The following OAF variants were observed in gnomAD, a reference collection of about 807,000 sequenced individuals.
OAF encodes out at first homolog, also known as out at first protein homolog.
In OAF, 13 loss-of-function variants were observed where a neutral mutation model predicts 22.5. The ratio of observed to expected loss-of-function variants is 0.58; its 90% confidence interval spans 0.38 to 0.92. The LOEUF (loss-of-function observed/expected upper bound fraction) is 0.92. OAF is among the 40% of genes least tolerant of loss of function. The probability of loss-of-function intolerance (pLI) is 0.00; values close to 1 mark genes in which losing one functional copy is unlikely to be tolerated. For synonymous variants in OAF, 175 were observed against 170.5 expected (o/e 1.03, Z -0.21); for missense variants, 347 against 381.8 (o/e 0.91, Z 0.76).
chr11:120,223,589 A>G (rs964657488), intron 1 of OAF, among the ~76,000 whole-genome samples: 1 of 152,182 alleles, frequency 6.6e-6, no homozygotes, highest in Non-Finnish European at 1.5e-5. Flanking sequence ...TGATGACATT[A>G]TTAATATAGA....
chr11:120,226,070 C>T (rs1362495365), intron 2 of OAF, among the ~76,000 whole-genome samples: 2 of 152,174 alleles, frequency 1.3e-5, no homozygotes, highest in African/African-American at 4.8e-5. Context: ...CAAACCTGAC[C>T]CTAGAGCTGC....
At chr11:120,212,736 C>G (rs890223448) in intron 1 of OAF, among the ~76,000 whole-genome samples, 2 of 144,826 alleles carry the variant, frequency 1.4e-5, no homozygotes, top group South Asian at 4.6e-4. Context: ...GGCTTGACCG[C>G]TAGAGGTGGG....
At chr11:120,217,070 G>A (rs1163246558) in intron 1 of OAF, 1 of 152,308 alleles carries the variant, frequency 6.6e-6, no homozygotes, top group Non-Finnish European at 1.5e-5. Context: ...AAAGAACCCT[G>A]GGGAGGGAGG....
At chr11:120,211,540 C>A in intron 1 of OAF, 30 bp downstream of exon 1, 3 of 1,406,720 alleles carry the variant, frequency 2.1e-6, no homozygotes, top group Non-Finnish European at 2.8e-6. Context: ...CGGGGTGGCA[C>A]CTTCAAGCCT....
chr11:120,226,774 C>G (rs1390149974), intron 2 of OAF, 42 bp from the exon 3 acceptor site: 12 of 1,531,116 alleles, frequency 7.8e-6, no homozygotes, highest in Admixed American at 1.8e-5. Flanking sequence ...GGACAGGGAG[C>G]ATTCTGAAGC....
At chr11:120,220,461 G>T (rs1345628578) in intron 1 of OAF, among the ~76,000 whole-genome samples, 2 of 152,176 alleles carry the variant, frequency 1.3e-5, no homozygotes, top group African/African-American at 4.8e-5. Flanking sequence ...GTTCCAGGGG[G>T]CAGGGATGCA....
intron 1 of OAF, among the ~76,000 whole-genome samples, chr11:120,224,778 C>G (rs140854035): frequency 1.5e-3 from 235 of 152,270 alleles, no homozygotes; most frequent in African/African-American, 5.5e-3. Context: ...TGACTGGGAC[C>G]CACTAACTTC....
intron 1 of OAF, among the ~76,000 whole-genome samples, chr11:120,222,497 A>G (rs1157500727): frequency 6.6e-6 from 1 of 151,232 alleles, no homozygotes; most frequent in Non-Finnish European, 1.5e-5. Context: ...CGGAAGTTGC[A>G]GTGAGCCGAG....
intron 1 of OAF, among the ~76,000 whole-genome samples, chr11:120,221,503 C>A (rs1040914904): frequency 2.0e-5 from 3 of 152,222 alleles, no homozygotes; most frequent in East Asian, 1.9e-4. Context: ...AAACCTTTCA[C>A]TCATTTATTC....
At chr11:120,214,796 A>G (rs1938189651) in intron 1 of OAF, among the ~76,000 whole-genome samples, 1 of 152,242 alleles carries the variant, frequency 6.6e-6, no homozygotes, top group African/African-American at 2.4e-5. Flanking sequence ...CCTGGAGCCC[A>G]GGTGAGGCTT....
rs768562737 is a variant in OAF, at chr11:120,229,037, G to A, written c.717G>A (p.Thr239=). 18 of 1,613,488 alleles carry A rather than the reference G, an allele frequency of 1.1e-5. No individual in the cohort carries two copies. The highest frequency in any genetic ancestry group is 1.7e-5 in the Admixed American group (1 of 60,004). ...ACTGCCACAGCCGCGACCGGCCCAC[G>A]CCCTACAAGTGTGGCATCCGCAGCT... is the stretch of plus-strand genomic sequence containing the variant. ...LKYCHSRDRP[T]PYKCGIRSCQ... The change falls in exon 4 of 4, where the codon ACG becomes ACA. Residue 239 remains threonine (T), a synonymous_variant. Coordinates refer to ENST00000328965, the MANE Select transcript of OAF (RefSeq NM_178507.4).
At chr11:120,218,892 G>T (rs1938244801) in intron 1 of OAF, among the ~76,000 whole-genome samples, 1 of 152,228 alleles carries the variant, frequency 6.6e-6, no homozygotes, top group Non-Finnish European at 1.5e-5. Context: ...TAGGGACCGT[G>T]ATGGGAAGGC....
intron 1 of OAF, among the ~76,000 whole-genome samples, chr11:120,223,157 G>A (rs1479485240): frequency 6.6e-6 from 1 of 152,204 alleles, no homozygotes; most frequent in Non-Finnish European, 1.5e-5. Flanking sequence ...GGCATCAAGG[G>A]CAGACCGCAC....
chr11:120,215,907 TG>T (rs1938205864), intron 1 of OAF, among the ~76,000 whole-genome samples: 1 of 151,272 alleles, frequency 6.6e-6, no homozygotes. Context: ...TGGTGGGCGG[TG>T]GGGGTCCCTT....
chr11:120,212,547 A>C (rs1206697095), intron 1 of OAF, among the ~76,000 whole-genome samples: 5 of 150,656 alleles, frequency 3.3e-5, no homozygotes, highest in Non-Finnish European at 4.4e-5. Context: ...TCCCTGGGGG[A>C]GTGCAGGGGT....
chr11:120,218,255 C>T (rs984178331), intron 1 of OAF, among the ~76,000 whole-genome samples: 1 of 152,178 alleles, frequency 6.6e-6, no homozygotes, highest in African/African-American at 2.4e-5. Flanking sequence ...CAGGCCTAGC[C>T]CTGAGGGGAT....
chr11:120,217,990 C>A (rs546502580), intron 1 of OAF, among the ~76,000 whole-genome samples: 8 of 152,154 alleles, frequency 5.3e-5, no homozygotes, highest in Admixed American at 3.9e-4. Flanking sequence ...GCTGGGAGTG[C>A]GGGTGAGAGG....
chr11:120,221,657 G>A (rs1347275776), intron 1 of OAF, among the ~76,000 whole-genome samples: 4 of 152,196 alleles, frequency 2.6e-5, no homozygotes, highest in Non-Finnish European at 5.9e-5. Context: ...GGTAACACTG[G>A]CTCCAGAGCC....
At chr11:120,222,868 C>T (rs771788440) in intron 1 of OAF, among the ~76,000 whole-genome samples, 17 of 152,134 alleles carry the variant, frequency 1.1e-4, no homozygotes, top group Non-Finnish European at 2.1e-4. Flanking sequence ...GCCGAGATCG[C>T]GCCATTGCAC....
Sources: gnomAD v4.1 joint callset for allele counts (sites outside exome capture counted in the v4.1 genomes callset) on GRCh38, gnomAD v4.1.1 for gene constraint, MANE v1.5 for transcripts, NCBI Gene and HGNC (gene_info 2026-07-23, HGNC 2026-07-21) for gene names.